MAD1L1: variants seen among roughly 807,000 people sequenced by gnomAD.
MAD1L1 encodes the protein mitotic spindle assembly checkpoint protein MAD1.
In MAD1L1, 95 loss-of-function variants were observed where a neutral mutation model predicts 96.9. The ratio of observed to expected loss-of-function variants is 0.98; its 90% CI spans 0.83 to 1.16. The LOEUF (loss-of-function observed/expected upper bound fraction) is 1.16, where lower values mean the gene tolerates loss of function less well. MAD1L1 is among the 50% of genes most tolerant of loss of function. The pLI, the probability that MAD1L1 is intolerant of heterozygous loss-of-function variation, is 0.00. For missense variants in MAD1L1, 1,007 were observed against 954.4 expected, an observed-to-expected ratio of 1.06 and a Z score of -0.73; for synonymous variants, 473 against 396.6, an observed-to-expected ratio of 1.19 and a Z score of -2.29.
intron 11 of MAD1L1, among the ~76,000 whole-genome samples, chr7:2,069,839 GCTGCCCA>G (rs879782344): frequency 1.4e-4 from 21 of 152,260 alleles, no homozygotes; most frequent in Non-Finnish European, 2.9e-4. Context: ...CCAACTCCAG[GCTGCCCA>G]AGAGGCCTCT....
At position 1,842,700 on chromosome 7, in the gene MAD1L1, A is replaced by G. The variant is rs1177888745; in HGVS notation, c.1999-26472T>C. On this transcript the variant is annotated intron_variant, in intron 18 of 18. Coordinates refer to ENST00000265854, the MANE Select transcript of MAD1L1 (RefSeq NM_001013836.2). ...CTGAGTAGCTACTGCCTGCAGCTGCAGAGGCCTCCACCTCCCACTCCTCAC... is the reference window on the plus strand; with the variant it reads ...CTGAGTAGCTACTGCCTGCAGCTGCGGAGGCCTCCACCTCCCACTCCTCAC... 2.0e-5 allele frequency among the ~76,000 whole-genome samples: 3 copies of G among 152,230 alleles called. No homozygotes were observed. In the East Asian group the frequency reaches 5.8e-4, roughly 29 times the overall value.
intron 15 of MAD1L1, among the ~76,000 whole-genome samples, chr7:1,977,214 G>T (rs1290204223): frequency 6.6e-6 from 1 of 152,236 alleles, no homozygotes; most frequent in African/African-American, 2.4e-5. Flanking sequence ...GCTGGGGGTG[G>T]GTGTGGGCTC....
At chr7:2,003,864 C>A (rs574364976) in intron 13 of MAD1L1, among the ~76,000 whole-genome samples, 5 of 152,302 alleles carry the variant, frequency 3.3e-5, no homozygotes, top group East Asian at 3.9e-4. Flanking sequence ...AGGAGCAGCA[C>A]ACTGCCCTCC....
chr7:2,222,198 C>T (rs369294923), intron 5 of MAD1L1, among the ~76,000 whole-genome samples: 4 of 151,832 alleles, frequency 2.6e-5, no homozygotes, highest in South Asian at 2.1e-4. Context: ...CTCAGCCTCC[C>T]GAGTCCCACA....
chr7:2,053,069 C>A (rs1239434727), intron 12 of MAD1L1, among the ~76,000 whole-genome samples: 1 of 152,230 alleles, frequency 6.6e-6, no homozygotes, highest in African/African-American at 2.4e-5. Flanking sequence ...CTGCTCCCAG[C>A]CACTGCCTAC....
intron 18 of MAD1L1, among the ~76,000 whole-genome samples, chr7:1,891,630 T>G (rs947501459): frequency 1.3e-5 from 2 of 152,170 alleles, no homozygotes; most frequent in Non-Finnish European, 2.9e-5. Context: ...CAGGCTAGAG[T>G]GCGGTGGCGC....
At chr7:2,197,817 A>G (rs1044902084) in intron 10 of MAD1L1, among the ~76,000 whole-genome samples, 1 of 152,026 alleles carries the variant, frequency 6.6e-6, no homozygotes, top group African/African-American at 2.4e-5. Context: ...TGGCTACATC[A>G]CTGACACTTC....
intron 10 of MAD1L1, among the ~76,000 whole-genome samples, chr7:2,164,173 C>T (rs34198643): frequency 0.22 from 33,660 of 152,108 alleles, 3,920 homozygotes; most frequent in Middle Eastern, 0.36. Flanking sequence ...ACTACAAGAT[C>T]AGAAATAAAT....
At chr7:2,016,056 G>T (rs1201318664) in intron 12 of MAD1L1, among the ~76,000 whole-genome samples, 1 of 152,196 alleles carries the variant, frequency 6.6e-6, no homozygotes, top group Non-Finnish European at 1.5e-5. Flanking sequence ...CCAAGTCTCA[G>T]TTCCTTTGTT....
At chr7:1,832,635 G>GC (rs1554266520) in intron 18 of MAD1L1, among the ~76,000 whole-genome samples, 1 of 25,192 alleles carries the variant, frequency 4.0e-5, no homozygotes, top group African/African-American at 2.4e-4. Flanking sequence ...TTTTTTGGCG[G>GC]GGGGGGGGGG....
chr7:1,982,968 C>A (rs1554318914), intron 14 of MAD1L1, among the ~76,000 whole-genome samples: 1 of 152,104 alleles, frequency 6.6e-6, no homozygotes, highest in Non-Finnish European at 1.5e-5. Context: ...AAATTGATAT[C>A]CTAAAATCAA....
intron 10 of MAD1L1, among the ~76,000 whole-genome samples, chr7:2,185,925 G>A (rs1238933131): frequency 2.0e-5 from 3 of 152,232 alleles, no homozygotes; most frequent in Non-Finnish European, 4.4e-5. Context: ...GTCCATTAGG[G>A]AGGGTGCCTG....
chr7:2,127,683 G>C (rs1788298239), intron 11 of MAD1L1, among the ~76,000 whole-genome samples: 1 of 152,106 alleles, frequency 6.6e-6, no homozygotes, highest in African/African-American at 2.4e-5. Flanking sequence ...CCCACCTGCG[G>C]AGAGGAGGAA....
intron 10 of MAD1L1, among the ~76,000 whole-genome samples, chr7:2,177,570 C>T (rs144507973): frequency 3.4e-4 from 52 of 152,286 alleles, no homozygotes; most frequent in Middle Eastern, 3.4e-3. Flanking sequence ...ATTTTTTAAT[C>T]GCCTTTTTAT....
chr7:1,887,806 CCT>C (rs1491095016), intron 18 of MAD1L1, among the ~76,000 whole-genome samples: 9 of 76,648 alleles, frequency 1.2e-4, no homozygotes, highest in Admixed American at 5.3e-4. Flanking sequence ...TATGTGGCTG[CCT>C]GTGTGTGTGT....
intron 16 of MAD1L1, among the ~76,000 whole-genome samples, chr7:1,946,136 G>T (rs1779219046): frequency 1.3e-5 from 2 of 152,188 alleles, no homozygotes; most frequent in Non-Finnish European, 2.9e-5. Flanking sequence ...TTCCTCCCAG[G>T]CCCCATCTGC....
Position 2,060,099 on chromosome 7 carries a change from C to T in MAD1L1, c.1218+9095G>A, listed in dbSNP as rs192599737. Among the ~76,000 whole-genome samples, 51 of 148,094 alleles carry T rather than the reference C, an allele frequency of 3.4e-4. No homozygotes were observed. In the East Asian group the frequency reaches 3.7e-3, roughly 11 times the overall value. On this transcript the variant is annotated intron_variant, in intron 12 of 18. Transcript: ENST00000265854. ...CGCTGATGCCAAGATACGCTGATGC[C>T]GAGATACGCCGAAGCCAAGATGCCG...
rs201374249 is a variant in MAD1L1, at chr7:2,213,267, G to T, written c.931C>A (p.Leu311Met). Reference protein sequence around the residue: ...VGLELENERLLAKLQSWERLD... With the variant: ...VGLELENERLMAKLQSWERLD... Reference sequence around the variant, plus strand: ...CTCTCCCAGCTTTGCAGCTTGGCCAGCAGCCTCTGAAAAGACAACAAAAGC... The same window carrying T: ...CTCTCCCAGCTTTGCAGCTTGGCCATCAGCCTCTGAAAAGACAACAAAAGC... Residue 311 changes from leucine to methionine, a missense_variant, in exon 10 of 19, where the codon CTG (leucine) becomes ATG (methionine). Leu to Met is a conservative substitution (Grantham distance 15). Transcript: ENST00000265854. The T allele has an allele frequency of 1.2e-6, 2 of 1,614,086 alleles. No homozygotes were observed. Among genetic ancestry groups the T allele is most frequent in the African/African-American group, 2.7e-5 (2 of 75,070 alleles).
intron 11 of MAD1L1, among the ~76,000 whole-genome samples, chr7:2,094,657 G>A (rs10274691): frequency 1.3e-4 from 18 of 140,094 alleles, no homozygotes; most frequent in Non-Finnish European, 1.7e-4. Flanking sequence ...GGCAGGAGCG[G>A]GGCTGGCAGG....
Sources: allele counts gnomAD v4.1 joint callset (sites outside exome capture counted in the v4.1 genomes callset), GRCh38; gene constraint gnomAD v4.1.1; transcripts MANE v1.5; gene names NCBI Gene and HGNC (gene_info 2026-07-23, HGNC 2026-07-21).